Variants in SSH2 observed in about 807,000 individuals in gnomAD.
The protein encoded by SSH2 is slingshot protein phosphatase 2.
A neutral mutation model predicts 135.2 loss-of-function variants in SSH2; 37 were observed. That is an observed-to-expected ratio of 0.27 (90% confidence interval 0.21 to 0.36). The LOEUF is 0.36. SSH2 is among the 10% of genes least tolerant of loss of function. SSH2 has a pLI of 1.00. For synonymous variants in SSH2, 628 were observed against 646.2 expected, an observed-to-expected ratio of 0.97 and a Z score of 0.43; for missense variants, 1,408 against 1,765.3, an observed-to-expected ratio of 0.80 and a Z score of 3.63.
chr17:29,683,500 C>T (rs377582021), intron 6 of SSH2, among the ~76,000 whole-genome samples: 5 of 151,894 alleles, frequency 3.3e-5, no homozygotes, highest in East Asian at 3.9e-4. Flanking sequence ...AAAAAGGAGG[C>T]ATAGCATTTG....
intron 2 of SSH2, among the ~76,000 whole-genome samples, chr17:29,799,983 T>A (rs1010370551): frequency 6.6e-6 from 1 of 152,230 alleles, no homozygotes; most frequent in African/African-American, 2.4e-5. Context: ...AGAAGGAATA[T>A]CTTTTTTCAT....
At chr17:29,903,907 A>G (rs2066606290) in intron 1 of SSH2, among the ~76,000 whole-genome samples, 1 of 152,194 alleles carries the variant, frequency 6.6e-6, no homozygotes, top group South Asian at 2.1e-4. Context: ...CATCATTTGC[A>G]TAAATACATT....
At chr17:29,791,408 A>G (rs192594746) in intron 3 of SSH2, among the ~76,000 whole-genome samples, 14 of 152,294 alleles carry the variant, frequency 9.2e-5, no homozygotes, top group Admixed American at 5.9e-4. Flanking sequence ...TATTAATGCA[A>G]TGTCTTCTTT....
At chr17:29,750,871 A>G (rs1401594079) in intron 3 of SSH2, among the ~76,000 whole-genome samples, 1 of 151,914 alleles carries the variant, frequency 6.6e-6, no homozygotes, top group Admixed American at 6.6e-5. Flanking sequence ...AAAAAAAAAA[A>G]AAAAGTATTT....
At chr17:29,852,614 C>T (rs926891431) in intron 1 of SSH2, among the ~76,000 whole-genome samples, 2 of 151,168 alleles carry the variant, frequency 1.3e-5, no homozygotes, top group African/African-American at 4.9e-5. Flanking sequence ...TACAGTGGCG[C>T]AATCTTTGCT....
At chr17:29,861,573 T>C (rs944958120) in intron 1 of SSH2, among the ~76,000 whole-genome samples, 2 of 151,660 alleles carry the variant, frequency 1.3e-5, no homozygotes, top group African/African-American at 2.4e-5. Flanking sequence ...TCTTCTTCTT[T>C]TTTTTTTCTT....
At chr17:29,731,135 A>G (rs941206276) in intron 3 of SSH2, among the ~76,000 whole-genome samples, 2 of 152,198 alleles carry the variant, frequency 1.3e-5, no homozygotes, top group Non-Finnish European at 2.9e-5. Context: ...CTCCATTCAC[A>G]TGAGATAAGG....
intron 2 of SSH2, among the ~76,000 whole-genome samples, chr17:29,814,588 A>G (rs2042521627): frequency 6.6e-6 from 1 of 152,108 alleles, no homozygotes; most frequent in South Asian, 2.1e-4. Flanking sequence ...AATAAAAGAA[A>G]TCAGATATCA....
At chr17:29,700,516 T>C (rs2038932832) in intron 4 of SSH2, among the ~76,000 whole-genome samples, 1 of 152,222 alleles carries the variant, frequency 6.6e-6, no homozygotes, top group African/African-American at 2.4e-5. Flanking sequence ...TGTTAGTTGA[T>C]ATTTCAAAAC....
intron 6 of SSH2, among the ~76,000 whole-genome samples, chr17:29,683,581 T>G (rs2038077124): frequency 6.6e-6 from 1 of 152,088 alleles, no homozygotes; most frequent in Non-Finnish European, 1.5e-5. Context: ...ACTACTGGTA[T>G]ACTACCACAA....
intron 3 of SSH2, among the ~76,000 whole-genome samples, chr17:29,722,468 C>G (rs2039856075): frequency 6.6e-6 from 1 of 151,946 alleles, no homozygotes; most frequent in Non-Finnish European, 1.5e-5. Context: ...GCTGCAATGT[C>G]CTTTGAGTAA....
At chr17:29,668,429 TC>T (rs1419774014) in intron 9 of SSH2, among the ~76,000 whole-genome samples, 1 of 152,166 alleles carries the variant, frequency 6.6e-6, no homozygotes, top group Non-Finnish European at 1.5e-5. Context: ...ATTTCAGTCT[TC>T]CATTAAAAAT....
At chr17:29,842,180 G>A (rs969896602) in intron 2 of SSH2, among the ~76,000 whole-genome samples, 1 of 151,994 alleles carries the variant, frequency 6.6e-6, no homozygotes, top group African/African-American at 2.4e-5. Flanking sequence ...ACAGCCAGGC[G>A]CAGTGGCTCA....
intron 3 of SSH2, among the ~76,000 whole-genome samples, chr17:29,782,758 G>A (rs2041867503): frequency 6.6e-6 from 1 of 152,122 alleles, no homozygotes; most frequent in Admixed American, 6.5e-5. Flanking sequence ...GCTAATTTTT[G>A]TATTTTTAGT....
intron 1 of SSH2, among the ~76,000 whole-genome samples, chr17:29,868,943 T>C (rs1412877149): frequency 6.6e-6 from 1 of 152,090 alleles, no homozygotes; most frequent in East Asian, 1.9e-4. Flanking sequence ...AGCTCAGAGC[T>C]GATTACAGGT....
intron 2 of SSH2, among the ~76,000 whole-genome samples, chr17:29,804,230 C>A (rs1391125474): frequency 6.6e-6 from 1 of 152,060 alleles, no homozygotes; most frequent in African/African-American, 2.4e-5. Flanking sequence ...GTTTAAGAAA[C>A]CTTAAATAAA....
At position 29,626,632 on chromosome 17, in the gene SSH2, A is replaced by G. The variant is rs1434078703; in HGVS notation, c.*4209T>C. 1 of 152,690 alleles carries G rather than the reference A, an allele frequency of 6.5e-6. No homozygotes were observed. Among genetic ancestry groups the G allele is most frequent in the Admixed American group, 6.5e-5 (1 of 15,284 alleles). 9.5% of individuals were successfully genotyped at this position (152,690 alleles called of 1,614,324 possible). ...CAGGAGCCAGGGCCAGTCACCCTCC[A>G]TTTCCAGGCTGGAAAAGTACAGAAG... On this transcript the variant is annotated 3_prime_UTR_variant, in exon 16 of 16. Transcript: ENST00000540801.
chr17:29,633,308 C>G (rs8073392), intron 15 of SSH2, among the ~76,000 whole-genome samples: 1 of 152,206 alleles, frequency 6.6e-6, no homozygotes, highest in African/African-American at 2.4e-5. Flanking sequence ...GTAAATGAAA[C>G]CTTTCCCCCG....
intron 1 of SSH2, among the ~76,000 whole-genome samples, chr17:29,900,178 C>T (rs945613392): frequency 5.9e-5 from 9 of 152,042 alleles, no homozygotes; most frequent in Non-Finnish European, 1.2e-4. Context: ...CCATAAAAAC[C>T]GTCAAAGAAA....
Sources: allele counts gnomAD v4.1 joint callset (sites outside exome capture counted in the v4.1 genomes callset), GRCh38; gene constraint gnomAD v4.1.1; transcripts MANE v1.5; gene names NCBI Gene and HGNC (gene_info 2026-07-23, HGNC 2026-07-21).